Variants in USP8 observed in about 807,000 individuals in gnomAD.
The protein encoded by USP8 is ubiquitin specific peptidase 8.
Under a neutral mutation model 130.0 loss-of-function variants are expected in USP8, and 27 were observed. The observed-to-expected ratio is 0.21, with a 90% CI of 0.15 to 0.29. The LOEUF is 0.29. Ranked by LOEUF, USP8 falls within the 10% of genes least tolerant of loss-of-function variation. USP8 has a pLI of 1.00. For synonymous variants in USP8, 392 were observed against 444.1 expected (o/e 0.88, Z 1.48); for missense variants, 1,029 against 1,312.2 (o/e 0.78, Z 3.33).
chr15:50,444,177 C>A (rs1298494298), intron 3 of USP8, among the ~76,000 whole-genome samples: 1 of 144,680 alleles, frequency 6.9e-6, no homozygotes, highest in African/African-American at 2.6e-5. Flanking sequence ...GATTTTGGCT[C>A]ACTGCAACCT....
At chr15:50,497,058 C>T (rs778373800) in intron 17 of USP8, 31 bp from the exon 18 acceptor site, 8 of 1,574,962 alleles carry the variant, frequency 5.1e-6, no homozygotes, top group East Asian at 4.6e-5. Flanking sequence ...ATCGAATTAA[C>T]GAGTATCTGC....
chr15:50,437,961 A>C (rs947495815), intron 1 of USP8, among the ~76,000 whole-genome samples: 2 of 152,234 alleles, frequency 1.3e-5, no homozygotes, highest in African/African-American at 4.8e-5. Flanking sequence ...ATGTGTTTAT[A>C]GATACCTGGA....
At chr15:50,440,207 A>G (rs144569906) in intron 2 of USP8, among the ~76,000 whole-genome samples, 182 of 152,336 alleles carry the variant, frequency 1.2e-3, no homozygotes, top group Non-Finnish European at 2.3e-3. Context: ...TGATTTTCAG[A>G]TGGGAAACAA....
chr15:50,471,902 CTT>C (rs57729947), intron 8 of USP8, 107 bp downstream of exon 8: 13,805 of 856,700 alleles, frequency 0.016, no homozygotes, highest in Admixed American at 0.019. Flanking sequence ...TTCATCATGC[CTT>C]TTTTTTTTTT....
At chr15:50,493,377 C>A (rs761805390) in intron 15 of USP8, 1 of 519,534 alleles carries the variant, frequency 1.9e-6, no homozygotes, top group Non-Finnish European at 3.8e-6. Flanking sequence ...CATCAAGAAC[C>A]CATTTTACCT....
At position 50,492,897 on chromosome 15, in the gene USP8, C is replaced by A; in HGVS notation, c.2431C>A (p.Gln811Lys). 1.2e-6 allele frequency: 2 copies of A among 1,613,910 alleles called. No homozygotes were observed. Among genetic ancestry groups the A allele is most frequent in the Non-Finnish European group, 1.7e-6 (2 of 1,179,874 alleles). ...LADYFNRNCY[Q>K]DDINRSNLLG... is the part of the protein sequence containing the mutation. ...TGATTATTTCAACCGAAACTGTTAT[C>A]AGGATGATATTAACAGGTAAATACA... Residue 811 changes from glutamine (Q) to lysine (K), a missense_variant, in exon 15 of 20, where the codon CAG becomes AAG. Coordinates refer to ENST00000307179, the MANE Select transcript of USP8 (RefSeq NM_005154.5).
intron 1 of USP8, among the ~76,000 whole-genome samples, chr15:50,432,042 C>T (rs2049950694): frequency 6.6e-6 from 1 of 152,100 alleles, no homozygotes; most frequent in African/African-American, 2.4e-5. Context: ...ATGAGCACTG[C>T]GTGTGTATGA....
Position 50,511,797 on chromosome 15 carries a change from G to C in USP8, c.*12709G>C, listed in dbSNP as rs2052741638. ...GGATCACTTGACGTCTGGAGTTTGA[G>C]ACCAGCCTGGGCAATATAGCAAAAC... On this transcript the variant is annotated 3_prime_UTR_variant, in exon 20 of 20. Transcript: ENST00000307179. 1 of 152,230 alleles carries C rather than the reference G, an allele frequency of 6.6e-6. No homozygotes were observed. The highest frequency in any genetic ancestry group is 1.5e-5 in the Non-Finnish European group (1 of 68,060). 9.4% of individuals were successfully genotyped at this position (152,230 alleles called of 1,614,324 possible). A position where few individuals can be genotyped will look rare whatever the true frequency, so the allele number is the denominator to read the frequency against.
rs2052690763 is a variant in USP8 at position 50,508,233 on chromosome 15, A to G, written c.*9145A>G. The G allele has an allele frequency of 6.6e-6, 1 of 152,220 alleles. No individual in the cohort carries two copies. Among genetic ancestry groups the G allele is most frequent in the Non-Finnish European group, 1.5e-5 (1 of 68,036 alleles). 9.4% of individuals were successfully genotyped at this position (152,220 alleles called of 1,614,324 possible). On this transcript the variant is annotated 3_prime_UTR_variant, in exon 20 of 20. Coordinates refer to ENST00000307179, the MANE Select transcript of USP8 (RefSeq NM_005154.5). ...AACTTTATAAATAAATTATAAAAGTAAAACACTTAGAAGTAAATAGTAATG... is the reference window on the plus strand; with the variant it reads ...AACTTTATAAATAAATTATAAAAGTGAAACACTTAGAAGTAAATAGTAATG...
At chr15:50,424,884 CTG>C (rs1405506815) in intron 1 of USP8, among the ~76,000 whole-genome samples, 4 of 150,372 alleles carry the variant, frequency 2.7e-5, no homozygotes, top group Admixed American at 1.3e-4. Context: ...GCTCCTAAAA[CTG>C]TTTCCCAGTT....
intron 1 of USP8, among the ~76,000 whole-genome samples, chr15:50,428,240 C>T (rs2049809885): frequency 6.6e-6 from 1 of 152,168 alleles, no homozygotes; most frequent in Non-Finnish European, 1.5e-5. Flanking sequence ...CCTCAGCCTC[C>T]CAAGTAGCTG....
rs1469908316 is a variant in USP8 at position 50,503,083 on chromosome 15, C to T, written c.*3995C>T. Reference sequence around the variant, plus strand: ...CAAGGTTCCGCCAGGCCTGGTGGCTCACGCCTGTAATCCCAGCACTTTGGG... The same window carrying T: ...CAAGGTTCCGCCAGGCCTGGTGGCTTACGCCTGTAATCCCAGCACTTTGGG... On this transcript the variant is annotated 3_prime_UTR_variant, in exon 20 of 20. Transcript: ENST00000307179. 1 of 152,266 alleles carries T rather than the reference C, an allele frequency of 6.6e-6. No individual in the cohort carries two copies. Among genetic ancestry groups the T allele is most frequent in the Non-Finnish European group, 1.5e-5 (1 of 68,076 alleles). 9.4% of individuals were successfully genotyped at this position (152,266 alleles called of 1,614,324 possible). A position where few individuals can be genotyped will look rare whatever the true frequency, so the allele number is the denominator to read the frequency against.
intron 1 of USP8, among the ~76,000 whole-genome samples, chr15:50,435,623 G>A (rs931899418): frequency 2.6e-5 from 4 of 152,122 alleles, no homozygotes; most frequent in African/African-American, 7.2e-5. Context: ...GATTGTAGAG[G>A]CTCAAATAGC....
At chr15:50,432,693 TATATC>T (rs1196778936) in intron 1 of USP8, among the ~76,000 whole-genome samples, 2 of 152,234 alleles carry the variant, frequency 1.3e-5, no homozygotes, top group Admixed American at 1.3e-4. Flanking sequence ...CATCCAGTGT[TATATC>T]ATATACACAT....
At chr15:50,426,770 C>T (rs1362665285) in intron 1 of USP8, 1 of 152,154 alleles carries the variant, frequency 6.6e-6, no homozygotes, top group South Asian at 2.1e-4. Context: ...TTCCAACATA[C>T]TCTGTTGGTT....
intron 3 of USP8, chr15:50,444,756 C>A (rs1483817276): frequency 6.6e-6 from 1 of 152,110 alleles, no homozygotes; most frequent in African/African-American, 2.4e-5. Context: ...TGTCTTAGAA[C>A]TGTTTTTTGT....
chr15:50,466,811 T>C (rs1240901321), intron 7 of USP8: 1 of 286,832 alleles, frequency 3.5e-6, no homozygotes. Context: ...AATCACTCTC[T>C]ATGAGCCACA....
intron 4 of USP8, among the ~76,000 whole-genome samples, chr15:50,454,246 G>T (rs953636632): frequency 2.6e-5 from 4 of 152,098 alleles, no homozygotes; most frequent in Non-Finnish European, 4.4e-5. Flanking sequence ...TCACTTCAGA[G>T]CTGCTATTCC....
intron 1 of USP8, among the ~76,000 whole-genome samples, chr15:50,436,279 C>T (rs986360857): frequency 7.9e-5 from 12 of 151,704 alleles, no homozygotes; most frequent in Non-Finnish European, 1.5e-4. Flanking sequence ...TTTTCTTCAT[C>T]CTGCTTTTCA....
Sources: gnomAD v4.1 joint callset for allele counts (sites outside exome capture counted in the v4.1 genomes callset) on GRCh38, gnomAD v4.1.1 for gene constraint, MANE v1.5 for transcripts, NCBI Gene and HGNC (gene_info 2026-07-23, HGNC 2026-07-21) for gene names.